Variants in SBF2 observed in about 807,000 individuals in gnomAD.
SBF2 encodes the protein SET binding factor 2, also known as myotubularin-related protein 13.
SBF2 carries 112 observed loss-of-function variants against 225.2 expected under a neutral mutation model. The ratio of observed to expected loss-of-function variants is 0.50; its 90% CI spans 0.43 to 0.58. The LOEUF is 0.58. Ranked by LOEUF, SBF2 falls within the 20% of genes least tolerant of loss-of-function variation. SBF2 has a pLI of 0.00. For synonymous variants in SBF2, 763 were observed against 773.3 expected, an observed-to-expected ratio of 0.99 and a Z score of 0.22; for missense variants, 1,996 against 2,206.2, an observed-to-expected ratio of 0.90 and a Z score of 1.91.
intron 16 of SBF2, among the ~76,000 whole-genome samples, chr11:9,919,064 C>A (rs1467658574): frequency 6.6e-6 from 1 of 152,054 alleles, no homozygotes; most frequent in Non-Finnish European, 1.5e-5. Flanking sequence ...TAATCCTCTA[C>A]TATCCAACTT....
chr11:9,918,884 G>A (rs1192964383), intron 16 of SBF2, among the ~76,000 whole-genome samples: 10 of 151,828 alleles, frequency 6.6e-5, no homozygotes, highest in South Asian at 2.1e-4. Context: ...GACTACAGGC[G>A]CCTGCCACCA....
At chr11:10,201,355 G>C (rs372568795) in intron 1 of SBF2, among the ~76,000 whole-genome samples, 1 of 152,222 alleles carries the variant, frequency 6.6e-6, no homozygotes, top group African/African-American at 2.4e-5. Flanking sequence ...TGCCAAGACA[G>C]CCAGAAAATC....
intron 1 of SBF2, among the ~76,000 whole-genome samples, chr11:10,270,754 G>A (rs1334582429): frequency 6.6e-6 from 1 of 151,986 alleles, no homozygotes; most frequent in Non-Finnish European, 1.5e-5. Context: ...AGCACTTTGG[G>A]AGGCCGAGGT....
chr11:10,069,391 T>C (rs1015175606), intron 2 of SBF2, among the ~76,000 whole-genome samples: 2 of 144,830 alleles, frequency 1.4e-5, no homozygotes, highest in Non-Finnish European at 3.0e-5. Context: ...TTCCCACCTA[T>C]GAGTGAGAAC....
At chr11:10,251,978 C>A (rs1179622573) in intron 1 of SBF2, among the ~76,000 whole-genome samples, 1 of 152,180 alleles carries the variant, frequency 6.6e-6, no homozygotes, top group Admixed American at 6.5e-5. Flanking sequence ...GGACTAAGCT[C>A]ATGCACGAGG....
chr11:9,974,983 A>AAAAAAAAAAAAAAAAAAAAAAAAAAG, intron 13 of SBF2, among the ~76,000 whole-genome samples: 1 of 74,894 alleles, frequency 1.3e-5, no homozygotes, highest in Non-Finnish European at 3.3e-5. Flanking sequence ...AAAAAAAAAA[A>AAAAAAAAAAAAAAAAAAAAAAAAAAG]AAAAAGAAAA....
chr11:9,932,745 G>A lies in SBF2; in HGVS notation c.1860+29212C>T, dbSNP rs1195875887. Among the ~76,000 whole-genome samples the A allele has an allele frequency of 2.0e-5, 3 of 152,004 alleles. No homozygotes were observed. In the East Asian group the frequency reaches 5.8e-4, roughly 29 times the overall value. ...AATTAATGGGCAAAATAACCAGCTA[G>A]CATCATAATGATAGGATCAAATTCA... On this transcript the variant is annotated intron_variant, in intron 16 of 39. Transcript: ENST00000256190.
chr11:9,914,534 T>A (rs1348423512), intron 16 of SBF2, among the ~76,000 whole-genome samples: 1 of 151,994 alleles, frequency 6.6e-6, no homozygotes, highest in Non-Finnish European at 1.5e-5. Flanking sequence ...TCACAAAAAA[T>A]ATGTCAAAAC....
chr11:10,130,358 T>C (rs898615425), intron 2 of SBF2, among the ~76,000 whole-genome samples: 2 of 150,448 alleles, frequency 1.3e-5, no homozygotes, highest in African/African-American at 4.9e-5. Flanking sequence ...CAAGACACCA[T>C]CTCAGAAAAA....
chr11:10,277,850 T>C (rs1172884327), intron 1 of SBF2, among the ~76,000 whole-genome samples: 1 of 152,182 alleles, frequency 6.6e-6, no homozygotes, highest in Non-Finnish European at 1.5e-5. Flanking sequence ...CCTAAATCCT[T>C]CAGAGAGACT....
chr11:10,158,287 A>G (rs939652956), intron 2 of SBF2, among the ~76,000 whole-genome samples: 1 of 152,136 alleles, frequency 6.6e-6, no homozygotes, highest in Non-Finnish European at 1.5e-5. Flanking sequence ...AACTAGAAAA[A>G]GAAGAGCAAA....
chr11:10,283,740 T>G lies in SBF2; in HGVS notation c.55+10275A>C, dbSNP rs572948918. Among the ~76,000 whole-genome samples the G allele has an allele frequency of 4.0e-4, 61 of 152,308 alleles. No homozygotes were observed. In the South Asian group the frequency reaches 7.5e-3, roughly 19 times the overall value. On this transcript the variant is annotated intron_variant, in intron 1 of 39. Transcript: ENST00000256190. ...AGAAAAATATAGTTGGCTAAATAAC[T>G]TCACATATTAGAAGCTAATGATATT...
chr11:10,198,365 G>A (rs1957453192), intron 1 of SBF2, among the ~76,000 whole-genome samples: 1 of 152,148 alleles, frequency 6.6e-6, no homozygotes, highest in Non-Finnish European at 1.5e-5. Context: ...GTAATATTTT[G>A]AGAGGAATAT....
chr11:9,935,937 A>G (rs1449153639), intron 16 of SBF2, among the ~76,000 whole-genome samples: 1 of 152,222 alleles, frequency 6.6e-6, no homozygotes, highest in Non-Finnish European at 1.5e-5. Flanking sequence ...CAATGGCAAC[A>G]AAACCAAAAT....
intron 2 of SBF2, among the ~76,000 whole-genome samples, chr11:10,143,416 C>A (rs180989927): frequency 6.6e-6 from 1 of 152,126 alleles, no homozygotes; most frequent in Non-Finnish European, 1.5e-5. Flanking sequence ...AGGTGATCCG[C>A]CCACATGGGC....
intron 1 of SBF2, among the ~76,000 whole-genome samples, chr11:10,216,022 T>C (rs936402294): frequency 6.6e-6 from 1 of 152,236 alleles, no homozygotes; most frequent in African/African-American, 2.4e-5. Flanking sequence ...CTTACCTCCA[T>C]TTCTCCCATT....
chr11:10,077,682 A>C (rs1460100067), intron 2 of SBF2, among the ~76,000 whole-genome samples: 2 of 152,222 alleles, frequency 1.3e-5, no homozygotes, highest in African/African-American at 4.8e-5. Context: ...ACCATTAAAA[A>C]TCCTAGAAGA....
At chr11:10,006,963 A>G (rs1361807623) in intron 6 of SBF2, among the ~76,000 whole-genome samples, 1 of 152,228 alleles carries the variant, frequency 6.6e-6, no homozygotes, top group East Asian at 1.9e-4. Context: ...GCAAGAATAT[A>G]GGATGGCCCA....
At chr11:9,825,574 G>T (rs1463520146) in intron 28 of SBF2, among the ~76,000 whole-genome samples, 1 of 152,162 alleles carries the variant, frequency 6.6e-6, no homozygotes, top group Non-Finnish European at 1.5e-5. Context: ...GTTCTGACGA[G>T]GCAGGAAAAG....
Sources: allele counts gnomAD v4.1 joint callset (sites outside exome capture counted in the v4.1 genomes callset), GRCh38; gene constraint gnomAD v4.1.1; transcripts MANE v1.5; gene names NCBI Gene and HGNC (gene_info 2026-07-23, HGNC 2026-07-21).